UGT1A8: variants seen among roughly 807,000 people sequenced by gnomAD.
The protein encoded by UGT1A8 is UDP glucuronosyltransferase family 1 member A8, also known as UDP-glucuronosyltransferase 1A8.
UGT1A8 carries 39 observed loss-of-function variants against 45.3 expected under a neutral mutation model. The ratio of observed to expected loss-of-function variants is 0.86; its 90% CI spans 0.67 to 1.12. UGT1A8 has a LOEUF of 1.12. Ranked by LOEUF, UGT1A8 falls within the 50% of genes most tolerant of loss-of-function variation. The probability of loss-of-function intolerance (pLI) is 0.00; values close to 1 mark genes in which losing one functional copy is unlikely to be tolerated. For synonymous variants in UGT1A8, 275 were observed against 249.2 expected (o/e 1.10, Z -0.97); for missense variants, 719 against 664.9 (o/e 1.08, Z -0.90).
At chr2:233,706,188 C>T (rs1428405421) in intron 1 of UGT1A8, among the ~76,000 whole-genome samples, 1 of 152,206 alleles carries the variant, frequency 6.6e-6, no homozygotes, top group East Asian at 1.9e-4. Flanking sequence ...TCTGCCCAGG[C>T]TGCTCCTCCA....
chr2:233,757,265 C>T (rs1416331195), intron 1 of UGT1A8, among the ~76,000 whole-genome samples: 2 of 116,902 alleles, frequency 1.7e-5, no homozygotes, highest in Non-Finnish European at 3.3e-5. Flanking sequence ...AGGTGGCAGC[C>T]GATGCAATGA....
chr2:233,720,342 T>A (rs2076852802), intron 1 of UGT1A8, among the ~76,000 whole-genome samples: 1 of 152,074 alleles, frequency 6.6e-6, no homozygotes, highest in African/African-American at 2.4e-5. Context: ...TTGGAAGGTA[T>A]GGTGATGGTT....
At chr2:233,715,712 C>T (rs1385583462) in intron 1 of UGT1A8, among the ~76,000 whole-genome samples, 1 of 152,152 alleles carries the variant, frequency 6.6e-6, no homozygotes, top group Admixed American at 6.5e-5. Context: ...GTGGAGGCTG[C>T]AGTGTGCCAT....
chr2:233,729,271 C>A, intron 1 of UGT1A8: 1 of 1,614,166 alleles, frequency 6.2e-7, no homozygotes, highest in Non-Finnish European at 8.5e-7. Context: ...GGAGGTCTTG[C>A]GGGAGCTCCA....
At chr2:233,653,750 C>T (rs1388530007) in intron 1 of UGT1A8, among the ~76,000 whole-genome samples, 1 of 152,210 alleles carries the variant, frequency 6.6e-6, no homozygotes, top group Admixed American at 6.5e-5. Context: ...ATGCCCACCA[C>T]CACAGTCAGC....
At chr2:233,743,446 AAAG>A (rs891586644) in intron 1 of UGT1A8, 1 of 1,364,544 alleles carries the variant, frequency 7.3e-7, no homozygotes, top group Non-Finnish European at 9.8e-7. Context: ...TCCTGTATCA[AAAG>A]AAGAAAAAAC....
rs746090346 is a variant in UGT1A8, at chr2:233,743,531, A to T, written c.856-23503A>T. 6 of 1,367,280 alleles carry T rather than the reference A, an allele frequency of 4.4e-6. No individual in the cohort carries two copies. The highest frequency in any genetic ancestry group is 5.9e-6 in the Non-Finnish European group (6 of 1,021,864). 84.7% of individuals were successfully genotyped at this position (1,367,280 alleles called of 1,614,324 possible). A position where few individuals can be genotyped will look rare whatever the true frequency, so the allele number is the denominator to read the frequency against. Reference sequence around the variant, plus strand: ...GACGCTCTGCTTCTGCTTCCCCAGCAGTTCCTCTGACCCCCCCAAAATATT... The same window carrying T: ...GACGCTCTGCTTCTGCTTCCCCAGCTGTTCCTCTGACCCCCCCAAAATATT... On this transcript the variant is annotated intron_variant, in intron 1 of 4. Transcript: ENST00000373450.
At chr2:233,626,547 C>T (rs1282804436) in intron 1 of UGT1A8, among the ~76,000 whole-genome samples, 2 of 152,056 alleles carry the variant, frequency 1.3e-5, no homozygotes, top group Admixed American at 6.6e-5. Flanking sequence ...TCATTCGCAA[C>T]ATCTGGTCAC....
At chr2:233,761,290 C>T in intron 1 of UGT1A8, 1 of 1,537,354 alleles carries the variant, frequency 6.5e-7, no homozygotes, top group Non-Finnish European at 8.8e-7. Context: ...TTTTTGACTC[C>T]TAGGTTTGAG....
chr2:233,724,339 G>A (rs2077227774), intron 1 of UGT1A8, among the ~76,000 whole-genome samples: 2 of 142,766 alleles, frequency 1.4e-5, no homozygotes, highest in African/African-American at 5.3e-5. Flanking sequence ...GCGGGGGGCT[G>A]ACCCCCCCCA....
At chr2:233,718,776 G>C in intron 1 of UGT1A8, 2 of 1,612,920 alleles carry the variant, frequency 1.2e-6, no homozygotes, top group Non-Finnish European at 1.7e-6. Flanking sequence ...AATGTAGCAG[G>C]CACAGCGTGG....
At chr2:233,719,835 G>C (rs2076806850) in intron 1 of UGT1A8, 18 of 1,540,274 alleles carry the variant, frequency 1.2e-5, no homozygotes, top group Non-Finnish European at 1.6e-5. Context: ...GAGGGGCCTA[G>C]TGTATTTCAA....
chr2:233,751,466 T>C (rs1694736440), intron 1 of UGT1A8, among the ~76,000 whole-genome samples: 1 of 152,134 alleles, frequency 6.6e-6, no homozygotes. Context: ...GAAGGCACGA[T>C]TGGTTTTGAA....
intron 3 of UGT1A8, 61 bp from the exon 4 acceptor site, chr2:233,768,159 T>A (rs1021483824): frequency 8.1e-6 from 13 of 1,613,176 alleles, no homozygotes; most frequent in African/African-American, 1.3e-5. Context: ...AGAACCTAGA[T>A]GTGTCCAGCT....
chr2:233,751,941 T>C (rs1479720548), intron 1 of UGT1A8, among the ~76,000 whole-genome samples: 1 of 152,170 alleles, frequency 6.6e-6, no homozygotes, highest in South Asian at 2.1e-4. Context: ...GAAGTTATAC[T>C]GAAAGGGTTT....
chr2:233,708,919 A>G (rs1575489691), intron 1 of UGT1A8, among the ~76,000 whole-genome samples: 1 of 152,120 alleles, frequency 6.6e-6, no homozygotes, highest in East Asian at 1.9e-4. Context: ...ATTGCTTGCT[A>G]CAGAGCCAAA....
At chr2:233,747,606 C>T (rs1358183781) in intron 1 of UGT1A8, 1 of 1,574,604 alleles carries the variant, frequency 6.4e-7, no homozygotes, top group Admixed American at 1.7e-5. Flanking sequence ...TGTGGAGCTA[C>T]TGCATAATGA....
chr2:233,645,142 G>T (rs1559322531), intron 1 of UGT1A8, among the ~76,000 whole-genome samples: 1 of 152,266 alleles, frequency 6.6e-6, no homozygotes, highest in East Asian at 1.9e-4. Context: ...CAGGGACAAA[G>T]CATCGATGAA....
intron 1 of UGT1A8, among the ~76,000 whole-genome samples, chr2:233,628,801 G>T (rs13394704): frequency 0.21 from 32,214 of 151,950 alleles, 4,386 homozygotes; most frequent in East Asian, 0.51. Context: ...TTCCGAGTTT[G>T]TTGAGAATTT....
Sources: allele counts gnomAD v4.1 joint callset (sites outside exome capture counted in the v4.1 genomes callset), GRCh38; gene constraint gnomAD v4.1.1; transcripts MANE v1.5; gene names NCBI Gene and HGNC (gene_info 2026-07-23, HGNC 2026-07-21).